The following ARHGEF3 variants were observed in gnomAD, a reference collection of about 807,000 sequenced individuals.
ARHGEF3 encodes the protein Rho guanine nucleotide exchange factor 3.
In ARHGEF3, 28 loss-of-function variants were observed where a neutral mutation model predicts 63.2. The ratio of observed to expected loss-of-function variants is 0.44; its 90% CI spans 0.33 to 0.61. The LOEUF (loss-of-function observed/expected upper bound fraction) is 0.61, where lower values mean the gene tolerates loss of function less well. Ranked by LOEUF, ARHGEF3 falls within the 20% of genes least tolerant of loss-of-function variation. ARHGEF3 has a pLI of 0.03. For missense variants in ARHGEF3, 533 were observed against 659.3 expected, an observed-to-expected ratio of 0.81 and a Z score of 2.10; for synonymous variants, 266 against 254.2, an observed-to-expected ratio of 1.05 and a Z score of -0.44.
chr3:56,906,369 G>A (rs1024264947), intron 3 of ARHGEF3, among the ~76,000 whole-genome samples: 13 of 152,186 alleles, frequency 8.5e-5, no homozygotes, highest in African/African-American at 1.4e-4. Flanking sequence ...CTGTGGATCC[G>A]CAGTGTCCGA....
intron 3 of ARHGEF3, among the ~76,000 whole-genome samples, chr3:56,943,734 A>G (rs1381594742): frequency 1.3e-5 from 2 of 152,072 alleles, no homozygotes; most frequent in African/African-American, 4.8e-5. Context: ...GACCAACACG[A>G]TAAAACCCCA....
chr3:57,078,919 C>CGAA (rs1706337721), intron 1 of ARHGEF3: 1 of 276,176 alleles, frequency 3.6e-6, no homozygotes, highest in African/African-American at 2.2e-5. Context: ...GTCAGGGTCC[C>CGAA]CAGCAGGAGC....
At chr3:57,030,565 C>T (rs766924633) in intron 2 of ARHGEF3, among the ~76,000 whole-genome samples, 3 of 152,182 alleles carry the variant, frequency 2.0e-5, no homozygotes, top group Non-Finnish European at 4.4e-5. Flanking sequence ...TCCTTACTAT[C>T]CAACCATTTC....
intron 1 of ARHGEF3, among the ~76,000 whole-genome samples, chr3:56,778,449 A>T (rs1247804812): frequency 1.3e-5 from 2 of 152,066 alleles, no homozygotes; most frequent in Non-Finnish European, 2.9e-5. Context: ...TTTCGGACAC[A>T]AACAATCTGT....
intron 2 of ARHGEF3, among the ~76,000 whole-genome samples, chr3:57,029,660 A>T (rs1703649927): frequency 6.6e-6 from 1 of 152,144 alleles, no homozygotes; most frequent in Admixed American, 6.5e-5. Context: ...CTGGCCAAAC[A>T]AATTTGACAA....
chr3:57,028,489 C>T (rs1703570568), intron 2 of ARHGEF3, among the ~76,000 whole-genome samples: 1 of 103,502 alleles, frequency 9.7e-6, no homozygotes, highest in Non-Finnish European at 1.9e-5. Context: ...GGGAATTGAA[C>T]AATGAGATCA....
At chr3:56,917,296 ATTAT>A (rs1470646697) in intron 3 of ARHGEF3, among the ~76,000 whole-genome samples, 1 of 151,770 alleles carries the variant, frequency 6.6e-6, no homozygotes, top group Non-Finnish European at 1.5e-5. Flanking sequence ...GTAGTTCTCA[ATTAT>A]TTATTTATTT....
intron 2 of ARHGEF3, among the ~76,000 whole-genome samples, chr3:56,768,685 AAG>A (rs869126298): frequency 1.1e-5 from 1 of 94,742 alleles, no homozygotes; most frequent in Non-Finnish European, 1.9e-5. Context: ...AAAAAAAAAG[AAG>A]AAGATGACGA....
intron 3 of ARHGEF3, among the ~76,000 whole-genome samples, chr3:56,945,618 C>G (rs1170101523): frequency 6.6e-6 from 1 of 152,214 alleles, no homozygotes; most frequent in African/African-American, 2.4e-5. Flanking sequence ...AGTAGGTAAA[C>G]AAAGCAGCCA....
chr3:56,966,470 G>A lies in ARHGEF3; in HGVS notation c.63-7581C>T, dbSNP rs1256279424. ...ATATTGTGGATTTATTGCATATAAT[G>A]AACATAATGCAGATTATAATAACAT... On this transcript the variant is annotated intron_variant, in intron 2 of 12. Coordinates refer to the ARHGEF3 transcript ENST00000338458. Among the ~76,000 whole-genome samples, 5 of 152,158 alleles carry A rather than the reference G, an allele frequency of 3.3e-5. No homozygotes were observed. In the South Asian group the frequency reaches 1.0e-3, roughly 32 times the overall value.
intron 4 of ARHGEF3, among the ~76,000 whole-genome samples, chr3:56,880,604 C>T (rs1047733521): frequency 6.6e-6 from 1 of 152,196 alleles, no homozygotes; most frequent in African/African-American, 2.4e-5. Flanking sequence ...ATTACACCTC[C>T]AGGGCTTCCA....
At chr3:57,040,916 C>CTCTT (rs1467902369) in intron 1 of ARHGEF3, among the ~76,000 whole-genome samples, 1 of 22 alleles carries the variant, frequency 0.045, no homozygotes, top group Non-Finnish European at 0.1. Context: ...TGAAGGAGTA[C>CTCTT]CTTCACTCCT....
intron 6 of ARHGEF3, among the ~76,000 whole-genome samples, chr3:56,750,531 AACT>A (rs138935431): frequency 2.4e-3 from 363 of 152,294 alleles, no homozygotes; most frequent in African/African-American, 8.0e-3. Flanking sequence ...TTGTTTATAA[AACT>A]ACATTTTGAC....
At chr3:56,796,016 T>C (rs1213550257) in intron 1 of ARHGEF3, among the ~76,000 whole-genome samples, 2 of 150,814 alleles carry the variant, frequency 1.3e-5, no homozygotes, top group African/African-American at 4.9e-5. Flanking sequence ...CCACTGGCTT[T>C]CACTCCTGAC....
At chr3:57,027,977 C>A (rs1025559093) in intron 2 of ARHGEF3, among the ~76,000 whole-genome samples, 3 of 152,084 alleles carry the variant, frequency 2.0e-5, no homozygotes, top group African/African-American at 7.2e-5. Flanking sequence ...AAATGCAAAT[C>A]AAAACCACTA....
At chr3:56,819,998 TG>T (rs2038418554) in intron 4 of ARHGEF3, among the ~76,000 whole-genome samples, 1 of 152,018 alleles carries the variant, frequency 6.6e-6, no homozygotes, top group Admixed American at 6.6e-5. Flanking sequence ...TTTGTAGACA[TG>T]GGGTTTCACT....
intron 4 of ARHGEF3, among the ~76,000 whole-genome samples, chr3:56,847,639 G>A (rs955071564): frequency 4.6e-5 from 7 of 152,120 alleles, no homozygotes; most frequent in Admixed American, 2.6e-4. Flanking sequence ...GTGCAGTGGC[G>A]TGGTCTCGGC....
chr3:57,017,028 TCTCTCACA>T (rs56123440), intron 2 of ARHGEF3, among the ~76,000 whole-genome samples: 28,773 of 125,736 alleles, frequency 0.23, 3,054 homozygotes, highest in Non-Finnish European at 0.28. Context: ...TCTCTCTCTC[TCTCTCACA>T]CACACACACA....
At chr3:56,772,554 T>C (rs912204512) in intron 2 of ARHGEF3, among the ~76,000 whole-genome samples, 4 of 152,192 alleles carry the variant, frequency 2.6e-5, no homozygotes, top group African/African-American at 4.8e-5. Context: ...TCATGGCATA[T>C]TTTTTGTGGG....
Sources: gnomAD v4.1 joint callset for allele counts (sites outside exome capture counted in the v4.1 genomes callset) on GRCh38, gnomAD v4.1.1 for gene constraint, MANE v1.5 for transcripts, NCBI Gene and HGNC (gene_info 2026-07-23, HGNC 2026-07-21) for gene names.